Variants in PTPRG observed in about 807,000 individuals in gnomAD.
PTPRG encodes protein tyrosine phosphatase receptor type G.
PTPRG carries 102 observed loss-of-function variants against 165.3 expected under a neutral mutation model. The ratio of observed to expected loss-of-function variants is 0.62; its 90% CI spans 0.53 to 0.73. The LOEUF (loss-of-function observed/expected upper bound fraction) is 0.73. PTPRG is among the 30% of genes least tolerant of loss of function. The probability of loss-of-function intolerance (pLI) is 0.00; values close to 1 mark genes in which losing one functional copy is unlikely to be tolerated. For synonymous variants in PTPRG, 675 were observed against 669.5 expected (o/e 1.01, Z -0.13); for missense variants, 1,866 against 1,861.4 (o/e 1.00, Z -0.05).
chr3:62,132,722 T>G, intron 6 of PTPRG, 54 bp downstream of exon 6: 1 of 1,441,080 alleles, frequency 6.9e-7, no homozygotes, highest in Non-Finnish European at 9.8e-7. Context: ...CTCAGATCTC[T>G]ACCTAAAAGA....
chr3:62,133,919 G>T (rs767633591), intron 6 of PTPRG, among the ~76,000 whole-genome samples: 1 of 151,974 alleles, frequency 6.6e-6, no homozygotes, highest in Non-Finnish European at 1.5e-5. Context: ...GGAGGCGGAG[G>T]TTGCAGTGAG....
intron 13 of PTPRG, among the ~76,000 whole-genome samples, chr3:62,225,055 C>T (rs1700729607): frequency 6.6e-6 from 1 of 152,104 alleles, no homozygotes; most frequent in Non-Finnish European, 1.5e-5. Flanking sequence ...ATATTGCAAT[C>T]CATACAAGCA....
At chr3:62,031,381 C>T (rs1337918603) in intron 4 of PTPRG, among the ~76,000 whole-genome samples, 1 of 152,052 alleles carries the variant, frequency 6.6e-6, no homozygotes, top group African/African-American at 2.4e-5. Flanking sequence ...GGGAAAACTG[C>T]AGCAAGCCCC....
At chr3:61,764,906 G>T (rs184921704) in intron 2 of PTPRG, among the ~76,000 whole-genome samples, 1 of 152,170 alleles carries the variant, frequency 6.6e-6, no homozygotes, top group Non-Finnish European at 1.5e-5. Flanking sequence ...TGGCCAACTG[G>T]CATTTAGTGG....
Position 62,233,746 on chromosome 3 carries a change from C to T in PTPRG, c.2375+2435C>T, listed in dbSNP as rs184357913. Among the ~76,000 whole-genome samples, 28 of 152,250 alleles carry T rather than the reference C, an allele frequency of 1.8e-4. No homozygotes were observed. Among genetic ancestry groups the T allele is most frequent in the Admixed American group, 1.2e-3 (19 of 15,296 alleles). Reference sequence around the variant, plus strand: ...AAGGAAGGAGACTGTGCCGCTAAGACGCGTTGCACAGAGAATTGCTAAAAG... The same window carrying T: ...AAGGAAGGAGACTGTGCCGCTAAGATGCGTTGCACAGAGAATTGCTAAAAG... On this transcript the variant is annotated intron_variant, in intron 14 of 29. Coordinates refer to ENST00000474889, the MANE Select transcript of PTPRG (RefSeq NM_002841.4). The surrounding 1 kb of genome is among the most constrained non-coding windows in gnomAD (Gnocchi z 4.7).
intron 1 of PTPRG, among the ~76,000 whole-genome samples, chr3:61,615,053 G>C (rs565729833): frequency 1.3e-5 from 2 of 152,130 alleles, no homozygotes; most frequent in African/African-American, 4.8e-5. Context: ...ACTTTTCCTC[G>C]CTGAACTACT....
At chr3:61,962,381 TGTAGTTGCA>T (rs1323860974) in intron 2 of PTPRG, among the ~76,000 whole-genome samples, 2 of 152,210 alleles carry the variant, frequency 1.3e-5, no homozygotes, top group East Asian at 3.9e-4. Context: ...CCTTTGCTCC[TGTAGTTGCA>T]TGGCTTGAGG....
rs556974355 is a variant in PTPRG, at chr3:62,206,912, CAAAAAAAAAAAAAAA to C, written c.2155+2975_2155+2989del. Among the ~76,000 whole-genome samples, 11 of 37,338 alleles carry C rather than the reference CAAAAAAAAAAAAAAA, an allele frequency of 2.9e-4. 1 individual carries two copies. Among genetic ancestry groups the C allele is most frequent in the Middle Eastern group, 0.019 (1 of 54 alleles). The allele number at this position is 37,338 out of a possible 152,430, so 24.5% of individuals were successfully genotyped here. On this transcript the variant is annotated intron_variant, in intron 12 of 29. Transcript: ENST00000474889. ...CCACTGACAGAGCAAGACTCTGTCT[CAAAAAAAAAAAAAAA>C]AAAAAAAAAAAAGAAGGACCTCCTC...
At chr3:61,897,075 G>C (rs896504479) in intron 2 of PTPRG, among the ~76,000 whole-genome samples, 6 of 151,830 alleles carry the variant, frequency 4.0e-5, no homozygotes, top group African/African-American at 1.5e-4. Context: ...TGGCAGAAAA[G>C]TTTTTAGTTT....
intron 1 of PTPRG, among the ~76,000 whole-genome samples, chr3:61,656,048 C>A (rs575845583): frequency 1.5e-4 from 22 of 150,760 alleles, no homozygotes; most frequent in Admixed American, 3.3e-4. Flanking sequence ...GACCCCCCCC[C>A]CCCCGACCAT....
At chr3:61,964,984 T>C (rs1214012871) in intron 2 of PTPRG, among the ~76,000 whole-genome samples, 1 of 152,164 alleles carries the variant, frequency 6.6e-6, no homozygotes, top group Non-Finnish European at 1.5e-5. Context: ...CTCTCACGCC[T>C]GTAATTCCAG....
At chr3:62,016,909 C>T (rs1326012477) in intron 4 of PTPRG, among the ~76,000 whole-genome samples, 1 of 152,222 alleles carries the variant, frequency 6.6e-6, no homozygotes, top group Non-Finnish European at 1.5e-5. Flanking sequence ...GCTCTCTCCT[C>T]TTCCAAAGTA....
chr3:62,267,821 TA>T lies in PTPRG; in HGVS notation c.2874+4del. On this transcript the variant is annotated splice_donor_region_variant and intron_variant, in intron 19 of 29. Transcript: ENST00000474889. Reference sequence around the variant, plus strand: ...ACGAACCTTGTGGAAAAAGGAAGAGTAAGAGCCTTTTGACTCACTATCTTAA... The same window carrying T: ...ACGAACCTTGTGGAAAAAGGAAGAGTAGAGCCTTTTGACTCACTATCTTAA... 6.2e-7 allele frequency: 1 copy of T among 1,611,772 alleles called. No individual in the cohort carries two copies. Among genetic ancestry groups the T allele is most frequent in the Non-Finnish European group, 8.5e-7 (1 of 1,178,980 alleles).
chr3:61,826,401 T>G (rs586852), intron 2 of PTPRG, among the ~76,000 whole-genome samples: 73,382 of 151,828 alleles, frequency 0.48, 19,063 homozygotes, highest in East Asian at 0.68. Flanking sequence ...ATTAATCCAG[T>G]TCACTGGAGA....
At chr3:62,134,750 T>C (rs970340432) in intron 6 of PTPRG, among the ~76,000 whole-genome samples, 3 of 152,204 alleles carry the variant, frequency 2.0e-5, no homozygotes, top group African/African-American at 7.2e-5. Flanking sequence ...CATGTTGATG[T>C]GGCACGCTGT....
At chr3:61,586,231 A>C (rs1033318388) in intron 1 of PTPRG, among the ~76,000 whole-genome samples, 3 of 152,044 alleles carry the variant, frequency 2.0e-5, no homozygotes, top group Non-Finnish European at 4.4e-5. Context: ...TAAGGTCAGG[A>C]AGGACAAGTT....
At chr3:62,065,260 A>T (rs1452579985) in intron 4 of PTPRG, among the ~76,000 whole-genome samples, 7 of 152,090 alleles carry the variant, frequency 4.6e-5, no homozygotes, top group Non-Finnish European at 1.5e-5. Context: ...ATGTTTACAT[A>T]TTTTTTTAGA....
At chr3:62,246,528 C>A (rs1240373870) in intron 15 of PTPRG, among the ~76,000 whole-genome samples, 1 of 152,108 alleles carries the variant, frequency 6.6e-6, no homozygotes, top group Non-Finnish European at 1.5e-5. Context: ...ATTCACTGTT[C>A]TATTCTTTAG....
At chr3:61,731,394 G>A (rs1016434960) in intron 1 of PTPRG, among the ~76,000 whole-genome samples, 1 of 149,260 alleles carries the variant, frequency 6.7e-6, no homozygotes, top group Admixed American at 6.7e-5. Context: ...GTGTTGCTAG[G>A]CTGGAGTGCA....
Sources: gnomAD v4.1 joint callset for allele counts (sites outside exome capture counted in the v4.1 genomes callset) on GRCh38, gnomAD v4.1.1 for gene constraint, Gnocchi (gnomAD v3.1) non-coding constraint, MANE v1.5 for transcripts, NCBI Gene and HGNC (gene_info 2026-07-23, HGNC 2026-07-21) for gene names.